ZNF217: variants seen among roughly 807,000 people sequenced by gnomAD.
ZNF217 encodes the protein zinc finger protein 217.
A neutral mutation model predicts 73.3 loss-of-function variants in ZNF217; 12 were observed. That is an observed-to-expected ratio of 0.16 (90% CI 0.10 to 0.27). The LOEUF is 0.27. ZNF217 is among the 10% of genes least tolerant of loss of function. The pLI, the probability that ZNF217 is intolerant of heterozygous loss-of-function variation, is 1.00. For missense variants in ZNF217, 1,195 were observed against 1,327.8 expected (o/e 0.90, Z 1.55); for synonymous variants, 588 against 516.4 (o/e 1.14, Z -1.88).
rs1404992712 is a variant in ZNF217, at chr20:53,575,982, C to A, written c.2782G>T (p.Asp928Tyr). Residue 928 changes from aspartate to tyrosine, a missense_variant, in exon 4 of 6, where the codon GAC (aspartate) becomes TAC (tyrosine). Asp to Tyr is a radical substitution (Grantham distance 160, BLOSUM62 -3). Coordinates refer to ENST00000371471, the MANE Select transcript of ZNF217 (RefSeq NM_006526.3). ...KRLKSSVVAL[D>Y]VDQPGANYRR... ...TAATTGGCCCCGGGCTGGTCAACGT[C>A]AAGGGCAACCACGCTGGACTTCAGT... 1 of 1,614,106 alleles carries A rather than the reference C, an allele frequency of 6.2e-7. No individual in the cohort carries two copies. The highest frequency in any genetic ancestry group is 1.3e-5 in the African/African-American group (1 of 74,930).
At chr20:53,595,341 A>G (rs955850487), upstream of ZNF217, among the ~76,000 whole-genome samples, 2 of 152,246 alleles carry the variant, frequency 1.3e-5, no homozygotes, top group African/African-American at 2.4e-5. Flanking sequence ...GGCCTTCAGC[A>G]TATCCAAAAT....
rs751694482 is a variant in ZNF217, at chr20:53,576,131, A to T, written c.2633T>A (p.Ile878Asn). ...PSQPTLGSSN[I>N]NGSIDYPAKN... is the part of the protein sequence containing the mutation. ...GGCGGGGTAGTCGATGGAACCATTG[A>T]TGTTACTGCTGCCGAGGGTGGGCTG... Residue 878 changes from isoleucine to asparagine, a missense_variant, in exon 4 of 6, where the codon ATC (isoleucine) becomes AAC (asparagine). Ile to Asn is a moderately radical substitution (Grantham distance 149, BLOSUM62 -3). Around this residue, in one of 9 missense-constraint regions of ZNF217, gnomAD observed 649 missense variants for 642.8 expected, o/e 1.01. Coordinates refer to ENST00000371471, the MANE Select transcript of ZNF217 (RefSeq NM_006526.3). The T allele has an allele frequency of 1.2e-6, 2 of 1,614,184 alleles. No individual in the cohort carries two copies. Among genetic ancestry groups the T allele is most frequent in the East Asian group, 2.2e-5 (1 of 44,894 alleles).
chr20:53,583,099 C>G lies in ZNF217; in HGVS notation c.-273G>C. The G allele has an allele frequency of 7.1e-6, 3 of 423,348 alleles. No individual in the cohort carries two copies. Among genetic ancestry groups the G allele is most frequent in the African/African-American group, 2.0e-5 (1 of 49,070 alleles). The allele number at this position is 423,348 out of a possible 1,614,324, so 26.2% of individuals were successfully genotyped here. A position where few individuals can be genotyped will look rare whatever the true frequency, so the allele number is the denominator to read the frequency against. On this transcript the variant is annotated 5_prime_UTR_variant, in exon 2 of 6. Coordinates refer to ENST00000371471, the MANE Select transcript of ZNF217 (RefSeq NM_006526.3). ...CACAAAGCATTAGTTCTCTTTGTCT[C>G]CATTGAATGAGTGTTTCAATTGAGC...
At chr20:53,594,391 GGCCCCGCCCCA>G (rs1162670141), upstream of ZNF217, among the ~76,000 whole-genome samples, 1 of 88,428 alleles carries the variant, frequency 1.1e-5, no homozygotes, top group African/African-American at 4.4e-5. Flanking sequence ...ACACCGCCCC[GGCCCCGCCCCA>G]GCGCCCACGT....
At position 53,581,756 on chromosome 20, in the gene ZNF217, T is replaced by C; in HGVS notation, c.1071A>G (p.Glu357=). The C allele has an allele frequency of 6.2e-7, 1 of 1,614,248 alleles. No individual in the cohort carries two copies. Among genetic ancestry groups the C allele is most frequent in the Non-Finnish European group, 8.5e-7 (1 of 1,180,044 alleles). Residue 357 remains glutamate, a synonymous_variant, in exon 2 of 6, where the codon GAA becomes GAG. Transcript: ENST00000371471. This position sits in a 1 kb window ranked among gnomAD's most constrained non-coding sequence, Gnocchi z 4.9. ...EKEKCKHSHG[E]APSVDADPKL... ...TGGGATCCGCGTCCACGGAGGGCGC[T>C]TCGCCGTGGGAGTGTTTGCACTTCT...
At chr20:53,586,532 C>G (rs1418791438) in intron 1 of ZNF217, among the ~76,000 whole-genome samples, 1 of 152,124 alleles carries the variant, frequency 6.6e-6, no homozygotes, top group African/African-American at 2.4e-5. Context: ...TGCTGGGCAT[C>G]CTAGGGCTAT....
In ZNF217 at chr20:53,581,547, G is replaced by A. The variant is rs1169502754; in HGVS notation, c.1280C>T (p.Pro427Leu). The change falls in exon 2 of 6, where the codon CCT becomes CTT. Residue 427 changes from proline (P) to leucine (L), a missense_variant. Coordinates refer to ENST00000371471, the MANE Select transcript of ZNF217 (RefSeq NM_006526.3). This position sits in a 1 kb window ranked among gnomAD's most constrained non-coding sequence, Gnocchi z 4.9. ...ATCCACGGCTCCATTTTCATCCAGA[G>A]GGGCGGCGAGGTCAGGAGAACACGT... is the stretch of plus-strand genomic sequence containing the variant. The part of the protein sequence containing the change: ...PGTCSPDLAA[P>L]LDENGAVDRG... The A allele has an allele frequency of 6.2e-7, 1 of 1,614,114 alleles. No homozygotes were observed. The highest frequency in any genetic ancestry group is 1.3e-5 in the African/African-American group (1 of 74,940).
In ZNF217 at chr20:53,589,430, ACAGT is replaced by A. The variant is rs1475526199; in HGVS notation, c.-343+4322_-343+4325del. On this transcript the variant is annotated intron_variant, in intron 1 of 5. Coordinates refer to ENST00000371471, the MANE Select transcript of ZNF217 (RefSeq NM_006526.3). Reference sequence around the variant, plus strand: ...ACAGGAAGTAATGGAGATGTTCAGAACAGTCAGTCAACAAATGTTCAAATGGAAA... The same window carrying A: ...ACAGGAAGTAATGGAGATGTTCAGAACAGTCAACAAATGTTCAAATGGAAA... Among the ~76,000 whole-genome samples, 3 of 152,358 alleles carry A rather than the reference ACAGT, an allele frequency of 2.0e-5. No individual in the cohort carries two copies. In the South Asian group the frequency reaches 6.2e-4, roughly 32 times the overall value.
rs1443070447 is a variant in ZNF217, at chr20:53,581,863, T to C, written c.964A>G (p.Thr322Ala). 15 of 1,614,236 alleles carry C rather than the reference T, an allele frequency of 9.3e-6. No homozygotes were observed. The highest frequency in any genetic ancestry group is 1.3e-5 in the Non-Finnish European group (15 of 1,180,042). ...TCGGAACTCGAATCGTCGTTGTCGG[T>C]GCTCCCTTCTTGCCCCGATTCCTTC... Reference protein sequence around the residue: ...EVKESGQEGSTDNDDSSSEKE... With the variant: ...EVKESGQEGSADNDDSSSEKE... Residue 322 changes from threonine (T) to alanine (A), a missense_variant, in exon 2 of 6, where the codon ACC becomes GCC. Around this residue, in one of 9 missense-constraint regions of ZNF217, gnomAD observed 102 missense variants for 91.9 expected, o/e 1.11. Transcript: ENST00000371471. The surrounding 1 kb of genome is among the most constrained non-coding windows in gnomAD (Gnocchi z 4.9).
chr20:53,594,108 T>C (rs1445225911), upstream of ZNF217, among the ~76,000 whole-genome samples: 26 of 123,052 alleles, frequency 2.1e-4, no homozygotes, highest in Non-Finnish European at 3.7e-4. Flanking sequence ...CGGGCTCACC[T>C]CGGGCGCGGG....
upstream of ZNF217, among the ~76,000 whole-genome samples, chr20:53,597,083 CA>C (rs11483077): frequency 1.6e-4 from 19 of 120,796 alleles, no homozygotes; most frequent in South Asian, 8.4e-4. Flanking sequence ...AGTAACATAA[CA>C]AAAAAAAAAA....
chr20:53,573,679 C>CA, intron 4 of ZNF217, among the ~76,000 whole-genome samples: 1 of 152,188 alleles, frequency 6.6e-6, no homozygotes, highest in South Asian at 2.1e-4. Context: ...GTCTGGTCTC[C>CA]AACTCCTGGC....
At position 53,582,182 on chromosome 20, in the gene ZNF217, G is replaced by A; in HGVS notation, c.645C>T (p.Tyr215=). Residue 215 remains tyrosine, a synonymous_variant, in exon 2 of 6, where the codon TAC becomes TAT. Transcript: ENST00000371471. The surrounding 1 kb of genome is among the most constrained non-coding windows in gnomAD (Gnocchi z 4.8). ...VHAAESISSP[Y]KICMVCGFLF... is the part of the protein sequence containing the mutation. ...GGAAGCCACAAACCATGCAGATTTT[G>A]TAAGGAGAGGAGATGCTCTCGGCCG... 4 of 1,614,112 alleles carry A rather than the reference G, an allele frequency of 2.5e-6. No homozygotes were observed. The highest frequency in any genetic ancestry group is 3.4e-6 in the Non-Finnish European group (4 of 1,180,048).
rs1350974600 is a variant in ZNF217 at position 53,569,273 on chromosome 20, AAC to A, written c.*24-11_*24-10del. The A allele has an allele frequency of 3.1e-6, 4 of 1,310,624 alleles. No individual in the cohort carries two copies. In the African/African-American group the frequency reaches 6.1e-5, roughly 20 times the overall value. The allele number at this position is 1,310,624 out of a possible 1,614,324, so 81.2% of individuals were successfully genotyped here. On this transcript the variant is annotated splice_polypyrimidine_tract_variant and intron_variant, in intron 5 of 5. Transcript: ENST00000371471. ...CTGACATCCACCAAGACCTAAGGAA[AAC>A]AACATTTTTTAAATGATTAAGATCA...
At position 53,576,079 on chromosome 20, in the gene ZNF217, C is replaced by T. The variant is rs769933858; in HGVS notation, c.2685G>A (p.Pro895=). The T allele has an allele frequency of 1.6e-5, 26 of 1,614,068 alleles. 1 individual carries two copies. Among genetic ancestry groups the T allele is most frequent in the African/African-American group, 4.0e-5 (3 of 74,924 alleles). ...TCCGATTACAGAAATAGTCTCTTCC[C>T]GGAGGTGCCCACGGGCTGTCGTTCT... ...PAKNDSPWAP[P]GRDYFCNRSA... is the part of the protein sequence containing the mutation. The change falls in exon 4 of 6, where the codon CCG becomes CCA. Residue 895 remains proline (P), a synonymous_variant. Transcript: ENST00000371471.
rs761644622 is a variant in ZNF217 at position 53,567,408 on chromosome 20, C to A, written c.*1880G>T. The A allele has an allele frequency of 1.3e-5, 2 of 152,588 alleles. No homozygotes were observed. Among genetic ancestry groups the A allele is most frequent in the Non-Finnish European group, 2.9e-5 (2 of 68,024 alleles). 9.5% of individuals were successfully genotyped at this position (152,588 alleles called of 1,614,324 possible). ...CAGAAATGTGGTTAAAAAGAGAAATCTGAAAGCCCAAAAAATTCCAGCATA... is the reference window on the plus strand; with the variant it reads ...CAGAAATGTGGTTAAAAAGAGAAATATGAAAGCCCAAAAAATTCCAGCATA... On this transcript the variant is annotated 3_prime_UTR_variant, in exon 6 of 6. Coordinates refer to ENST00000371471, the MANE Select transcript of ZNF217 (RefSeq NM_006526.3).
intron 1 of ZNF217, among the ~76,000 whole-genome samples, chr20:53,590,197 CAT>C (rs1424160342): frequency 1.3e-5 from 2 of 152,220 alleles, no homozygotes; most frequent in East Asian, 3.8e-4. Context: ...GCAACTGTCT[CAT>C]GTTTTTCATT....
chr20:53,582,809 T>TG lies in ZNF217; in HGVS notation c.17dup (p.Gly7ArgfsTer75). On this transcript the variant is annotated frameshift_variant, in exon 2 of 6. Transcript: ENST00000371471. LOFTEE classifies it high-confidence loss of function. The surrounding 1 kb of genome is among the most constrained non-coding windows in gnomAD (Gnocchi z 4.8). ...AGAGGGATTGAGTTGGCATGTTTCC[T>TG]GTCACTTTCGATTGCATATAATCTC... The TG allele has an allele frequency of 6.2e-7, 1 of 1,602,370 alleles. No individual in the cohort carries two copies. Among genetic ancestry groups the TG allele is most frequent in the African/African-American group, 1.3e-5 (1 of 74,634 alleles).
chr20:53,594,530 C>T (rs1206740931), upstream of ZNF217, among the ~76,000 whole-genome samples: 1 of 151,592 alleles, frequency 6.6e-6, no homozygotes, highest in African/African-American at 2.4e-5. Flanking sequence ...CGCACGCGCG[C>T]GCCGTGCCAC....
Sources: gnomAD v4.1 joint callset for allele counts (sites outside exome capture counted in the v4.1 genomes callset) on GRCh38, gnomAD v4.1.1 for gene constraint, gnomAD v4.1.1 regional missense constraint, Gnocchi (gnomAD v3.1) non-coding constraint, MANE v1.5 for transcripts, NCBI Gene and HGNC (gene_info 2026-07-23, HGNC 2026-07-21) for gene names.